The following MCTP1 variants were observed in gnomAD, a reference collection of about 807,000 sequenced individuals.
MCTP1 encodes multiple C2 and transmembrane domain containing 1, also known as multiple C2 and transmembrane domain-containing protein 1.
In MCTP1, 69 loss-of-function variants were observed where a neutral mutation model predicts 120.6. That is an observed-to-expected ratio of 0.57 (90% CI 0.47 to 0.70). The LOEUF (loss-of-function observed/expected upper bound fraction) is 0.70. Ranked by LOEUF, MCTP1 falls within the 30% of genes least tolerant of loss-of-function variation. The pLI, the probability that MCTP1 is intolerant of heterozygous loss-of-function variation, is 0.00. For synonymous variants in MCTP1, 529 were observed against 493.1 expected (o/e 1.07, Z -0.96); for missense variants, 1,203 against 1,248.8 (o/e 0.96, Z 0.55).
At chr5:95,159,528 TGTTAA>T (rs1745487318) in intron 1 of MCTP1, among the ~76,000 whole-genome samples, 1 of 152,220 alleles carries the variant, frequency 6.6e-6, no homozygotes, top group African/African-American at 2.4e-5. Flanking sequence ...CTATATACTA[TGTTAA>T]GTTCTAAGGA....
In MCTP1 at chr5:94,893,780, C is replaced by CTT. The variant is rs1384844454; in HGVS notation, c.1839+867_1839+868dup. 3.9e-5 allele frequency among the ~76,000 whole-genome samples: 6 copies of CTT among 152,264 alleles called. No homozygotes were observed. In the East Asian group the frequency reaches 1.2e-3, roughly 29 times the overall value. ...TTTAAAGTCTAAAAAAAAAGTGGTT[C>CTT]TTTGTTAGAGCTTGGTTTCATGGCT... is the stretch of plus-strand genomic sequence containing the variant. On this transcript the variant is annotated intron_variant, in intron 11 of 22. Transcript: ENST00000515393.
intron 1 of MCTP1, chr5:95,038,155 G>A (rs564653538): frequency 1.0e-6 from 1 of 982,154 alleles, no homozygotes; most frequent in South Asian, 4.7e-5. Flanking sequence ...ACACTCAGTT[G>A]TGCGAATAGC....
intron 3 of MCTP1, among the ~76,000 whole-genome samples, chr5:94,942,735 A>C (rs2153508458): frequency 6.6e-6 from 1 of 152,214 alleles, no homozygotes; most frequent in African/African-American, 2.4e-5. Context: ...GAATTCAACA[A>C]GTATGTCTTT....
At chr5:94,746,919 G>A (rs1309250335) in intron 19 of MCTP1, among the ~76,000 whole-genome samples, 1 of 152,110 alleles carries the variant, frequency 6.6e-6, no homozygotes, top group Non-Finnish European at 1.5e-5. Context: ...CCCTCTCAAG[G>A]CCTCTTGGGA....
intron 1 of MCTP1, among the ~76,000 whole-genome samples, chr5:95,235,244 G>T (rs191681171): frequency 1.4e-4 from 21 of 151,624 alleles, no homozygotes; most frequent in African/African-American, 5.1e-4. Flanking sequence ...TGCAGAAAAA[G>T]CACTTGACAA....
chr5:95,214,178 A>G (rs1752757790), intron 1 of MCTP1, among the ~76,000 whole-genome samples: 1 of 152,292 alleles, frequency 6.6e-6, no homozygotes, highest in African/African-American at 2.4e-5. Context: ...GAAAAAAACA[A>G]ACAACCCCAT....
intron 1 of MCTP1, among the ~76,000 whole-genome samples, chr5:95,019,084 T>G (rs116628496): frequency 0.012 from 1,884 of 152,212 alleles, 16 homozygotes; most frequent in Middle Eastern, 0.027. Flanking sequence ...AAAAACATCA[T>G]GGGCACTTTT....
chr5:95,203,377 T>A (rs1409775493), intron 1 of MCTP1, among the ~76,000 whole-genome samples: 1 of 152,222 alleles, frequency 6.6e-6, no homozygotes, highest in Non-Finnish European at 1.5e-5. Context: ...GAATAGGGCC[T>A]TTGAAGGTAT....
At chr5:94,987,947 C>G (rs1830718916) in intron 2 of MCTP1, among the ~76,000 whole-genome samples, 1 of 152,110 alleles carries the variant, frequency 6.6e-6, no homozygotes, top group Admixed American at 6.6e-5. Context: ...ATCTCATCAT[C>G]AAAGTGTATG....
chr5:94,946,541 A>G (rs1309666122), intron 3 of MCTP1, among the ~76,000 whole-genome samples: 2 of 152,114 alleles, frequency 1.3e-5, no homozygotes, highest in East Asian at 3.9e-4. Context: ...AGAGAATCCA[A>G]ACTAGGGTTC....
At chr5:94,926,039 T>C (rs993172699) in intron 6 of MCTP1, among the ~76,000 whole-genome samples, 5 of 152,174 alleles carry the variant, frequency 3.3e-5, no homozygotes, top group Admixed American at 2.6e-4. Flanking sequence ...GAAATAAAAT[T>C]AAAGGACAGT....
Position 95,284,966 on chromosome 5 carries a change from C to T in MCTP1, c.-391G>A, listed in dbSNP as rs936683161. On this transcript the variant is annotated 5_prime_UTR_variant, in exon 1 of 23. It adds an upstream start codon to the 5' untranslated region. Transcript: ENST00000515393. This position sits in a 1 kb window ranked among gnomAD's most constrained non-coding sequence, Gnocchi z 5.2. Reference sequence around the variant, plus strand: ...CTCTGACCGAGCTCGGGAAGCTGCACGCACCGGGGCGTGCGCGTCCAGCTG... The same window carrying T: ...CTCTGACCGAGCTCGGGAAGCTGCATGCACCGGGGCGTGCGCGTCCAGCTG... 9.9e-5 allele frequency among the ~76,000 whole-genome samples: 15 copies of T among 152,152 alleles called. No individual in the cohort carries two copies. Among genetic ancestry groups the T allele is most frequent in the Admixed American group, 2.0e-4 (3 of 15,288 alleles).
At chr5:94,855,254 G>C (rs1192284722) in intron 17 of MCTP1, among the ~76,000 whole-genome samples, 2 of 151,772 alleles carry the variant, frequency 1.3e-5, no homozygotes. Flanking sequence ...TACAGATAAA[G>C]TTACAGCAAA....
chr5:95,091,754 T>A (rs1323222873), intron 1 of MCTP1, among the ~76,000 whole-genome samples: 1 of 152,186 alleles, frequency 6.6e-6, no homozygotes, highest in Non-Finnish European at 1.5e-5. Flanking sequence ...TTTCACACAT[T>A]CCTGACTCAC....
chr5:95,119,873 T>A (rs1349629465), intron 1 of MCTP1, among the ~76,000 whole-genome samples: 1 of 152,034 alleles, frequency 6.6e-6, no homozygotes, highest in Non-Finnish European at 1.5e-5. Flanking sequence ...AAAGCCATAA[T>A]AGAAAGAGTC....
chr5:95,056,487 A>G (rs758024581), intron 1 of MCTP1, among the ~76,000 whole-genome samples: 5 of 152,214 alleles, frequency 3.3e-5, no homozygotes, highest in South Asian at 4.1e-4. Flanking sequence ...ACATTTTAAA[A>G]CATAAAACAA....
At chr5:94,781,499 C>G (rs1776573288) in intron 18 of MCTP1, among the ~76,000 whole-genome samples, 1 of 152,102 alleles carries the variant, frequency 6.6e-6, no homozygotes, top group Non-Finnish European at 1.5e-5. Context: ...GGACTTATAC[C>G]TAATCAATGA....
intron 1 of MCTP1, among the ~76,000 whole-genome samples, chr5:95,166,389 T>G (rs1453380342): frequency 6.6e-6 from 1 of 152,178 alleles, no homozygotes; most frequent in Non-Finnish European, 1.5e-5. Flanking sequence ...CAGGTAAGTG[T>G]ATGTTTCATA....
intron 1 of MCTP1, among the ~76,000 whole-genome samples, chr5:95,210,986 A>G (rs1181772691): frequency 6.6e-6 from 1 of 151,926 alleles, no homozygotes; most frequent in Non-Finnish European, 1.5e-5. Flanking sequence ...TTTCTTTAAG[A>G]ATGTTGAATA....
Sources: allele counts gnomAD v4.1 joint callset (sites outside exome capture counted in the v4.1 genomes callset), GRCh38; gene constraint gnomAD v4.1.1; non-coding constraint Gnocchi (gnomAD v3.1); transcripts MANE v1.5; gene names NCBI Gene and HGNC (gene_info 2026-07-23, HGNC 2026-07-21).